Variants in CEP85L observed in about 807,000 individuals in gnomAD.
CEP85L encodes the protein centrosomal protein of 85 kDa-like.
CEP85L carries 60 observed loss-of-function variants against 100.3 expected under a neutral mutation model. The observed-to-expected ratio is 0.60, with a 90% CI of 0.49 to 0.74. The LOEUF is 0.74. Among genes scored for constraint, CEP85L ranks in the 30% least tolerant of loss-of-function variants. The pLI is 0.00. For synonymous variants in CEP85L, 319 were observed against 322.7 expected, an observed-to-expected ratio of 0.99 and a Z score of 0.12; for missense variants, 973 against 936.2, an observed-to-expected ratio of 1.04 and a Z score of -0.51.
At chr6:118,630,195 G>T (rs1022989771) in intron 2 of CEP85L, among the ~76,000 whole-genome samples, 2 of 152,124 alleles carry the variant, frequency 1.3e-5, no homozygotes, top group African/African-American at 4.8e-5. Context: ...ATGTGTGTGG[G>T]TCTCCTTCAT....
intron 5 of CEP85L, among the ~76,000 whole-genome samples, chr6:118,496,638 C>T (rs1361349362): frequency 6.6e-6 from 1 of 152,160 alleles, no homozygotes; most frequent in Non-Finnish European, 1.5e-5. Context: ...CAGGCGTGAG[C>T]CACTGTGCCC....
In CEP85L at chr6:118,495,817, T is replaced by C. The variant is rs146500936; in HGVS notation, c.1258-3952A>G. Among the ~76,000 whole-genome samples the C allele has an allele frequency of 1.2e-4, 19 of 152,318 alleles. No individual in the cohort carries two copies. The East Asian group carries it at 3.1e-3, about 25-fold the overall frequency. On this transcript the variant is annotated intron_variant, in intron 5 of 12. Transcript: ENST00000368491. ...TGAACTGATGAAACAGCAGAGGATA[T>C]TGAGGCACAGTTGTTAAAGAGGATG...
chr6:118,685,136 T>C lies in CEP85L; in HGVS notation c.-28+24900A>G, dbSNP rs76097633. Among the ~76,000 whole-genome samples, 1,245 of 152,354 alleles carry C rather than the reference T, an allele frequency of 8.2e-3. 13 individuals are homozygous for C. Among genetic ancestry groups the C allele is most frequent in the African/African-American group, 0.028 (1,183 of 41,582 alleles). On this transcript the variant is annotated intron_variant, in intron 1 of 13. Transcript: ENST00000368488. ...TGTTCAACTAAAAGGGAAATTTAGC[T>C]TTACTTAGTTGTATCTGTAATTGTC...
chr6:118,504,401 T>C (rs565330965), intron 5 of CEP85L, among the ~76,000 whole-genome samples: 32 of 151,656 alleles, frequency 2.1e-4, no homozygotes, highest in South Asian at 4.2e-4. Context: ...AAATCATACC[T>C]ACATAATGAA....
At chr6:118,553,478 T>C (rs2114940224) in intron 3 of CEP85L, among the ~76,000 whole-genome samples, 1 of 152,226 alleles carries the variant, frequency 6.6e-6, no homozygotes, top group African/African-American at 2.4e-5. Flanking sequence ...ACATTTCAGA[T>C]GATAACTGTA....
At chr6:118,647,954 TAAGAA>T (rs1414149070) in intron 1 of CEP85L, among the ~76,000 whole-genome samples, 3 of 152,186 alleles carry the variant, frequency 2.0e-5, no homozygotes, top group African/African-American at 7.2e-5. Flanking sequence ...TAAGGAAACT[TAAGAA>T]AACACTCATT....
At chr6:118,475,841 T>C (rs2114482906) in intron 10 of CEP85L, among the ~76,000 whole-genome samples, 1 of 152,306 alleles carries the variant, frequency 6.6e-6, no homozygotes, top group South Asian at 2.1e-4. Flanking sequence ...GTTCCCACTC[T>C]TTGGTCCACT....
chr6:118,637,593 TAGTCTC>T (rs1774581767), intron 1 of CEP85L, among the ~76,000 whole-genome samples: 1 of 149,206 alleles, frequency 6.7e-6, no homozygotes, highest in Non-Finnish European at 1.5e-5. Context: ...CACATGCCTG[TAGTCTC>T]AGCTACCTGG....
At chr6:118,670,145 C>T (rs1776254268) in intron 1 of CEP85L, among the ~76,000 whole-genome samples, 1 of 151,870 alleles carries the variant, frequency 6.6e-6, no homozygotes, top group Admixed American at 6.6e-5. Context: ...GTAGCATTTC[C>T]CCACCTACTT....
At chr6:118,637,726 A>AAC (rs397731750) in intron 1 of CEP85L, among the ~76,000 whole-genome samples, 1 of 149,912 alleles carries the variant, frequency 6.7e-6, no homozygotes, top group African/African-American at 2.4e-5. Flanking sequence ...AAAAAAAAAA[A>AAC]GTTGTCTATA....
chr6:118,658,424 A>T (rs952560226), intron 1 of CEP85L, among the ~76,000 whole-genome samples: 9 of 152,180 alleles, frequency 5.9e-5, no homozygotes, highest in Non-Finnish European at 1.2e-4. Context: ...TAAAATAGCT[A>T]TATGGGAAGG....
At chr6:118,620,796 G>C (rs1773385990) in intron 2 of CEP85L, among the ~76,000 whole-genome samples, 2 of 152,118 alleles carry the variant, frequency 1.3e-5, no homozygotes, top group Admixed American at 6.5e-5. Flanking sequence ...AGGAATCCTA[G>C]GACAGCCTGT....
At chr6:118,511,714 CT>C in intron 4 of CEP85L, among the ~76,000 whole-genome samples, 1 of 152,168 alleles carries the variant, frequency 6.6e-6, no homozygotes, top group African/African-American at 2.4e-5. Context: ...AAGGAGAGAG[CT>C]TTTAAAGAAT....
intron 10 of CEP85L, among the ~76,000 whole-genome samples, chr6:118,472,769 TAA>T (rs2114453465): frequency 6.6e-6 from 1 of 152,300 alleles, no homozygotes; most frequent in East Asian, 1.9e-4. Flanking sequence ...TGTAGGGGAT[TAA>T]TAAAATTAAA....
intron 2 of CEP85L, among the ~76,000 whole-genome samples, chr6:118,629,450 C>T (rs1583194150): frequency 6.6e-6 from 1 of 152,142 alleles, no homozygotes; most frequent in African/African-American, 2.4e-5. Context: ...CCTCATACAT[C>T]ATCAGGAAAA....
chr6:118,601,770 T>C (rs950638607), intron 2 of CEP85L, among the ~76,000 whole-genome samples: 1 of 152,170 alleles, frequency 6.6e-6, no homozygotes, highest in African/African-American at 2.4e-5. Flanking sequence ...TGCCATAGCA[T>C]TTGTAAACTG....
intron 1 of CEP85L, among the ~76,000 whole-genome samples, chr6:118,706,843 C>A (rs567234518): frequency 1.1e-4 from 16 of 152,284 alleles, no homozygotes; most frequent in African/African-American, 3.9e-4. Flanking sequence ...GCTACTCTTC[C>A]CACACCCCAA....
In CEP85L at chr6:118,502,060, CA is replaced by C. The variant is rs1342769413; in HGVS notation, c.1257+9237del. 7.1e-6 allele frequency: 6 copies of C among 846,256 alleles called. No homozygotes were observed. The African/African-American group carries it at 8.5e-5, about 12-fold the overall frequency. The allele number at this position is 846,256 out of a possible 1,614,324, so 52.4% of individuals were successfully genotyped here. A position where few individuals can be genotyped will look rare whatever the true frequency, so the allele number is the denominator to read the frequency against. Reference sequence around the variant, plus strand: ...TGGAACAAGAAGACTGGGACTTCCCCATCCTGTGGATCCCATTGTAGGAGAG... The same window carrying C: ...TGGAACAAGAAGACTGGGACTTCCCCTCCTGTGGATCCCATTGTAGGAGAG... On this transcript the variant is annotated intron_variant, in intron 5 of 12. Coordinates refer to ENST00000368491, the MANE Select transcript of CEP85L (RefSeq NM_001042475.3).
At chr6:118,483,957 G>C in intron 6 of CEP85L, 99 bp from the exon 7 acceptor site, 1 of 1,086,328 alleles carries the variant, frequency 9.2e-7, no homozygotes, top group Non-Finnish European at 1.3e-6. Flanking sequence ...TTCACCAACA[G>C]TTTCAGGTTA....
Sources: gnomAD v4.1 joint callset for allele counts (sites outside exome capture counted in the v4.1 genomes callset) on GRCh38, gnomAD v4.1.1 for gene constraint, MANE v1.5 for transcripts, NCBI Gene and HGNC (gene_info 2026-07-23, HGNC 2026-07-21) for gene names.